HIPK2: variants seen among roughly 807,000 people sequenced by gnomAD.
HIPK2 encodes homeodomain interacting protein kinase 2, also known as homeodomain-interacting protein kinase 2.
A neutral mutation model predicts 113.7 loss-of-function variants in HIPK2; 27 were observed. The observed-to-expected ratio is 0.24, with a 90% CI of 0.17 to 0.33. HIPK2 has a LOEUF of 0.33. HIPK2 is among the 10% of genes least tolerant of loss of function. The probability of loss-of-function intolerance (pLI) is 1.00; values close to 1 mark genes in which losing one functional copy is unlikely to be tolerated. For synonymous variants in HIPK2, 631 were observed against 642.2 expected (o/e 0.98, Z 0.26); for missense variants, 1,257 against 1,588.0 (o/e 0.79, Z 3.54).
At chr7:139,644,814 G>A (rs868812258) in intron 2 of HIPK2, among the ~76,000 whole-genome samples, 6 of 152,272 alleles carry the variant, frequency 3.9e-5, no homozygotes, top group Middle Eastern at 3.4e-3. Context: ...CAGATGTGGC[G>A]TCTTCACTTT....
At chr7:139,604,408 G>A in intron 9 of HIPK2, 185 bp from the exon 10 acceptor site, 1 of 341,118 alleles carries the variant, frequency 2.9e-6, no homozygotes, top group African/African-American at 2.2e-5. Context: ...CAGGCCGGGT[G>A]CAGTGGCTCA....
At chr7:139,721,763 T>C (rs538911748) in intron 1 of HIPK2, among the ~76,000 whole-genome samples, 123 of 152,326 alleles carry the variant, frequency 8.1e-4, no homozygotes, top group African/African-American at 2.7e-3. Flanking sequence ...CCAGGGGGAC[T>C]ACTGGACTTG....
intron 2 of HIPK2, among the ~76,000 whole-genome samples, chr7:139,703,762 A>AC (rs1186316173): frequency 0.84 from 108,050 of 129,082 alleles, 43,973 homozygotes; most frequent in South Asian, 0.91. Context: ...ACACACACAC[A>AC]CCCACACACT....
At chr7:139,776,430 T>TA (rs397707632) in intron 1 of HIPK2, among the ~76,000 whole-genome samples, 25 of 151,072 alleles carry the variant, frequency 1.7e-4, no homozygotes, top group Admixed American at 5.9e-4. Flanking sequence ...TTTTTTTTTT[T>TA]AATCAGCCTC....
At chr7:139,723,414 G>A (rs146341337) in intron 1 of HIPK2, among the ~76,000 whole-genome samples, 3,657 of 152,122 alleles carry the variant, frequency 0.024, 130 homozygotes, top group African/African-American at 0.083. Flanking sequence ...GGCTGGTCTC[G>A]AACTCTTGAC....
At chr7:139,662,697 GC>G (rs1259527428) in intron 2 of HIPK2, among the ~76,000 whole-genome samples, 2 of 148,534 alleles carry the variant, frequency 1.3e-5, no homozygotes, top group African/African-American at 5.0e-5. Flanking sequence ...TCGGCTCACT[GC>G]AACCTCCACC....
intron 1 of HIPK2, among the ~76,000 whole-genome samples, chr7:139,758,415 GA>G (rs1352351848): frequency 6.6e-6 from 1 of 152,118 alleles, no homozygotes; most frequent in Non-Finnish European, 1.5e-5. Flanking sequence ...ATTGAGTATT[GA>G]AAAAATATAA....
intron 2 of HIPK2, among the ~76,000 whole-genome samples, chr7:139,692,993 G>A (rs1489880957): frequency 1.3e-5 from 2 of 152,184 alleles, no homozygotes; most frequent in African/African-American, 4.8e-5. Flanking sequence ...ATGGGAACAC[G>A]ACATTAGAAC....
intron 2 of HIPK2, among the ~76,000 whole-genome samples, chr7:139,634,383 G>A (rs1454512479): frequency 6.6e-6 from 1 of 152,018 alleles, no homozygotes; most frequent in South Asian, 2.1e-4. Flanking sequence ...GACTGCGCAT[G>A]TATTGTCAGG....
At chr7:139,726,281 G>T (rs1795571720) in intron 1 of HIPK2, among the ~76,000 whole-genome samples, 1 of 152,228 alleles carries the variant, frequency 6.6e-6, no homozygotes. Flanking sequence ...AGCTGGTCCA[G>T]AGGGGTAAGG....
In HIPK2 at chr7:139,723,184, T is replaced by C. The variant is rs548215879; in HGVS notation, c.20-6169A>G. The stretch of plus-strand genomic sequence containing the variant: ...TCTTAACTCACACAGTTACGGTTTT[T>C]TTCTTTCTTCTTTTTTTTTTTTTTT... On this transcript the variant is annotated intron_variant, in intron 1 of 14. Transcript: ENST00000406875. 4.1e-4 allele frequency among the ~76,000 whole-genome samples: 60 copies of C among 146,414 alleles called. 1 individual carries two copies. The South Asian group carries it at 0.011, about 27-fold the overall frequency.
chr7:139,637,968 C>T (rs912122551), intron 2 of HIPK2, among the ~76,000 whole-genome samples: 2 of 152,048 alleles, frequency 1.3e-5, no homozygotes, highest in African/African-American at 2.4e-5. Context: ...AGGTGGCCAA[C>T]AAAAGAATTA....
chr7:139,646,711 C>T (rs1801243741), intron 2 of HIPK2, among the ~76,000 whole-genome samples: 1 of 152,192 alleles, frequency 6.6e-6, no homozygotes, highest in African/African-American at 2.4e-5. Flanking sequence ...GCCCCAAACA[C>T]TACTCCAGCC....
intron 2 of HIPK2, among the ~76,000 whole-genome samples, chr7:139,690,810 A>G (rs1794384284): frequency 6.6e-6 from 1 of 152,312 alleles, no homozygotes; most frequent in African/African-American, 2.4e-5. Flanking sequence ...GGCCCTTACC[A>G]GATGCAGATG....
intron 12 of HIPK2, among the ~76,000 whole-genome samples, chr7:139,585,683 T>C (rs117266278): frequency 0.01 from 1,557 of 152,352 alleles, 12 homozygotes; most frequent in Middle Eastern, 0.031. Flanking sequence ...ATACAAGTGC[T>C]TTCAATGATA....
chr7:139,598,770 G>C (rs538622962), intron 11 of HIPK2, among the ~76,000 whole-genome samples: 1 of 152,344 alleles, frequency 6.6e-6, no homozygotes, highest in African/African-American at 2.4e-5. Context: ...GAACCACAAA[G>C]ATGCTAAGCT....
chr7:139,765,884 C>T (rs1436578364), intron 1 of HIPK2, among the ~76,000 whole-genome samples: 2 of 152,216 alleles, frequency 1.3e-5, no homozygotes, highest in African/African-American at 2.4e-5. Context: ...ATAGAGCTAA[C>T]CCCTTCACCA....
chr7:139,700,412 G>C (rs1243262529), intron 2 of HIPK2, among the ~76,000 whole-genome samples: 7 of 152,316 alleles, frequency 4.6e-5, no homozygotes, highest in African/African-American at 1.4e-4. Flanking sequence ...TCAGAGCTAT[G>C]ATGACGGTCA....
At position 139,716,621 on chromosome 7, in the gene HIPK2, G is replaced by A. The variant is rs745936379; in HGVS notation, c.414C>T (p.Ile138=). 6.8e-6 allele frequency: 11 copies of A among 1,613,826 alleles called. No individual in the cohort carries two copies. The highest frequency in any genetic ancestry group is 5.3e-5 in the African/African-American group (4 of 74,892). Residue 138 remains isoleucine (I), a synonymous_variant, in exon 2 of 15, where the codon ATC becomes ATT. Coordinates refer to ENST00000406875, the MANE Select transcript of HIPK2 (RefSeq NM_022740.5). The surrounding 1 kb of genome is among the most constrained non-coding windows in gnomAD (Gnocchi z 9.3). ...TGATCTGCACGCTGCTTGTGTTCTC[G>A]ATCTCCTCGCTCTTACGCTTGAGTC... is the stretch of plus-strand genomic sequence containing the variant. ...KCGLKRKSEE[I]ENTSSVQIIE...
Sources: allele counts gnomAD v4.1 joint callset (sites outside exome capture counted in the v4.1 genomes callset), GRCh38; gene constraint gnomAD v4.1.1; non-coding constraint Gnocchi (gnomAD v3.1); transcripts MANE v1.5; gene names NCBI Gene and HGNC (gene_info 2026-07-23, HGNC 2026-07-21).